HIBCH: variants seen among roughly 807,000 people sequenced by gnomAD.
HIBCH encodes the protein 3-hydroxyisobutyryl-CoA hydrolase, mitochondrial.
HIBCH carries 50 observed loss-of-function variants against 58.2 expected under a neutral mutation model. The observed-to-expected ratio is 0.86, with a 90% CI of 0.68 to 1.09. The LOEUF (loss-of-function observed/expected upper bound fraction) is 1.09, where lower values mean the gene tolerates loss of function less well. HIBCH is among the 50% of genes least tolerant of loss of function. HIBCH has a pLI of 0.00. For missense variants in HIBCH, 450 were observed against 449.7 expected, an observed-to-expected ratio of 1.00 and a Z score of -0.01; for synonymous variants, 151 against 146.9, an observed-to-expected ratio of 1.03 and a Z score of -0.20.
At chr2:190,229,847 T>A (rs1686040432) in intron 11 of HIBCH, among the ~76,000 whole-genome samples, 1 of 151,860 alleles carries the variant, frequency 6.6e-6, no homozygotes, top group Non-Finnish European at 1.5e-5. Context: ...TGGCTGGATT[T>A]TTTTTTTTTA....
intron 2 of HIBCH, among the ~76,000 whole-genome samples, chr2:190,302,945 T>C (rs1255826132): frequency 1.3e-5 from 2 of 152,228 alleles, no homozygotes; most frequent in African/African-American, 4.8e-5. Context: ...TGGCTTTTCA[T>C]GGTAGCAAGG....
At chr2:190,259,301 G>A (rs1360958411) in intron 7 of HIBCH, among the ~76,000 whole-genome samples, 1 of 137,842 alleles carries the variant, frequency 7.3e-6, no homozygotes, top group Non-Finnish European at 1.6e-5. Context: ...TCAAAGTTTT[G>A]TAGTTTTCAG....
At chr2:190,299,181 A>C (rs772116937) in intron 2 of HIBCH, among the ~76,000 whole-genome samples, 3 of 152,226 alleles carry the variant, frequency 2.0e-5, no homozygotes, top group Non-Finnish European at 4.4e-5. Context: ...TAAACAGCAC[A>C]CTTATTAGCA....
At chr2:190,218,896 A>G (rs1037286792) in intron 11 of HIBCH, among the ~76,000 whole-genome samples, 38 of 152,228 alleles carry the variant, frequency 2.5e-4, no homozygotes, top group African/African-American at 9.2e-4. Context: ...TTGCCTCTCT[A>G]GACAGGGGAC....
At chr2:190,314,978 C>G (rs1688677546) in intron 1 of HIBCH, among the ~76,000 whole-genome samples, 2 of 151,530 alleles carry the variant, frequency 1.3e-5, no homozygotes, top group Non-Finnish European at 2.9e-5. Flanking sequence ...GCCTGAGTCT[C>G]TCTCTGTCGC....
At chr2:190,190,086 T>A (rs576265592) in intron 1 of HIBCH, 4 of 152,244 alleles carry the variant, frequency 2.6e-5, no homozygotes, top group African/African-American at 9.6e-5. Context: ...AAAGTAAAAA[T>A]TACAGTGAAA....
intron 1 of HIBCH, chr2:190,311,153 A>AAGAAGC (rs1408939967): frequency 4.8e-6 from 2 of 413,994 alleles, no homozygotes; most frequent in African/African-American, 2.1e-5. Flanking sequence ...TTAAATGCAT[A>AAGAAGC]CATACTACTA....
chr2:190,301,191 C>A (rs1025815803), intron 2 of HIBCH, among the ~76,000 whole-genome samples: 1 of 152,202 alleles, frequency 6.6e-6, no homozygotes, highest in African/African-American at 2.4e-5. Flanking sequence ...ACAGAGGTCA[C>A]TGCTAAATCC....
chr2:190,288,342 T>C (rs976895821), intron 5 of HIBCH, among the ~76,000 whole-genome samples: 1 of 151,026 alleles, frequency 6.6e-6, no homozygotes, highest in African/African-American at 2.4e-5. Flanking sequence ...AGATCCAAAG[T>C]CCAACAGCAG....
chr2:190,229,385 T>C (rs1228547072), intron 11 of HIBCH, among the ~76,000 whole-genome samples: 1 of 152,218 alleles, frequency 6.6e-6, no homozygotes, highest in Non-Finnish European at 1.5e-5. Flanking sequence ...AGGAAGAATA[T>C]ACATGGGTGT....
chr2:190,294,186 G>A (rs868177975), intron 4 of HIBCH, among the ~76,000 whole-genome samples: 3 of 151,640 alleles, frequency 2.0e-5, no homozygotes, highest in Non-Finnish European at 4.4e-5. Context: ...AGTCAACATG[G>A]CCAGATAGTC....
intron 6 of HIBCH, among the ~76,000 whole-genome samples, chr2:190,273,124 G>A (rs1687449666): frequency 6.6e-6 from 1 of 152,200 alleles, no homozygotes; most frequent in African/African-American, 2.4e-5. Flanking sequence ...CAGGCGCAGT[G>A]GCTCATGCCA....
intron 9 of HIBCH, among the ~76,000 whole-genome samples, chr2:190,249,434 T>A (rs975665238): frequency 6.6e-6 from 1 of 152,238 alleles, no homozygotes. Flanking sequence ...AAGACAGCTA[T>A]GCAGCTGCAC....
chr2:190,213,075 C>T lies in HIBCH; in HGVS notation c.892G>A (p.Val298Ile), dbSNP rs1330753702. 1.2e-6 allele frequency: 2 copies of T among 1,604,204 alleles called. No homozygotes were observed. The highest frequency in any genetic ancestry group is 1.7e-5 in the Admixed American group (1 of 59,996). ...GATGTTGGAGACATTTTATTAATTA[C>T]CTTTTGGAGGAAAAAATTTACTACT... ...GSSFALEQLK[V>I]INKMSPTSLK... The change falls in exon 12 of 14, where the codon GTA becomes ATA. Residue 298 changes from valine to isoleucine, a missense_variant and splice_region_variant. Coordinates refer to ENST00000359678, the MANE Select transcript of HIBCH (RefSeq NM_014362.4).
At chr2:190,312,075 TGCCTTATGTAAATTATAATAAGAAA>T (rs1688572634) in intron 1 of HIBCH, among the ~76,000 whole-genome samples, 1 of 152,078 alleles carries the variant, frequency 6.6e-6, no homozygotes, top group Non-Finnish European at 1.5e-5. Context: ...TGTACTCAAG[TGCCTTATGTAAATTATAATAAGAAA>T]GTAAAAGACA....
At chr2:190,299,911 G>C (rs141505921) in intron 2 of HIBCH, among the ~76,000 whole-genome samples, 1 of 151,516 alleles carries the variant, frequency 6.6e-6, no homozygotes, top group Non-Finnish European at 1.5e-5. Flanking sequence ...AAGTGAGAAC[G>C]TGCGGTATCT....
At chr2:190,277,156 TTG>T (rs1184220484) in intron 6 of HIBCH, among the ~76,000 whole-genome samples, 1 of 152,176 alleles carries the variant, frequency 6.6e-6, no homozygotes, top group African/African-American at 2.4e-5. Context: ...CATAAAAAAA[TTG>T]TTTCTCTTTC....
intron 11 of HIBCH, among the ~76,000 whole-genome samples, chr2:190,234,909 T>C (rs1207153182): frequency 1.3e-5 from 2 of 151,440 alleles, no homozygotes; most frequent in Non-Finnish European, 2.9e-5. Context: ...GGAGAAGAGG[T>C]AGTGAGTAGG....
chr2:190,215,891 A>T lies in HIBCH; in HGVS notation c.892-2816T>A, dbSNP rs1278681581. On this transcript the variant is annotated intron_variant, in intron 11 of 13. Coordinates refer to ENST00000359678, the MANE Select transcript of HIBCH (RefSeq NM_014362.4). The surrounding 1 kb of genome is among the most constrained non-coding windows in gnomAD (Gnocchi z 4.4). ...CAGGTGTGCTGGTGCCCAGAGAAAA[A>T]GAGTCAGAACTGTCTGTCAGACACG... The T allele has an allele frequency of 6.6e-6, 1 of 152,568 alleles. No individual in the cohort carries two copies. Among genetic ancestry groups the T allele is most frequent in the Non-Finnish European group, 1.5e-5 (1 of 68,350 alleles). 9.5% of individuals were successfully genotyped at this position (152,568 alleles called of 1,614,324 possible).
Sources: allele counts gnomAD v4.1 joint callset (sites outside exome capture counted in the v4.1 genomes callset), GRCh38; gene constraint gnomAD v4.1.1; non-coding constraint Gnocchi (gnomAD v3.1); transcripts MANE v1.5; gene names NCBI Gene and HGNC (gene_info 2026-07-23, HGNC 2026-07-21).